The following SHROOM4 variants were observed in gnomAD, a reference collection of about 807,000 sequenced individuals.
The protein encoded by SHROOM4 is shroom family member 4.
SHROOM4 carries 17 observed loss-of-function variants against 80.3 expected under a neutral mutation model. The observed-to-expected ratio is 0.21, with a 90% CI of 0.14 to 0.32. The LOEUF (loss-of-function observed/expected upper bound fraction) is 0.32, where lower values mean the gene tolerates loss of function less well. Among genes scored for constraint, SHROOM4 ranks in the 10% least tolerant of loss-of-function variants. The probability of loss-of-function intolerance (pLI) is 1.00; values close to 1 mark genes in which losing one functional copy is unlikely to be tolerated. For missense variants in SHROOM4, 993 were observed against 1,140.3 expected (o/e 0.87, Z 1.86); for synonymous variants, 400 against 437.5 (o/e 0.91, Z 1.07).
Position 50,602,685 on chromosome X carries a change from G to A in SHROOM4, c.3890C>T (p.Ala1297Val). Residue 1297 changes from alanine (A) to valine (V), a missense_variant, in exon 7 of 9, where the codon GCA becomes GTA. Physicochemically the swap from Ala to Val is moderately conservative, Grantham distance 64 (BLOSUM62 0). Coordinates refer to ENST00000376020, the MANE Select transcript of SHROOM4 (RefSeq NM_020717.5). ...LNKLKDQPEM[A>V]EIGLGEEEVD... is the part of the protein sequence containing the mutation. ...TTCCTCCTCTCCTAGGCCAATCTCT[G>A]CCATCTCAGGTTGGTCTTTCAGTTT... is the stretch of plus-strand genomic sequence containing the variant. The A allele has an allele frequency of 8.3e-7, 1 of 1,211,354 alleles. No homozygotes were observed. The highest frequency in any genetic ancestry group is 1.1e-6 in the Non-Finnish European group (1 of 895,383).
chrX:50,685,508 T>C (rs1933050484), intron 2 of SHROOM4, among the ~76,000 whole-genome samples: 1 of 111,948 alleles, frequency 8.9e-6, no homozygotes, highest in South Asian at 3.7e-4. Flanking sequence ...AGGCAAAGGA[T>C]AGAATCACAA....
In SHROOM4 at chrX:50,597,049, A is replaced by G. The variant is rs1167153110; in HGVS notation, c.4213-85T>C. ...GCTGCCTAGCAGTACTCCACCAGAG[A>G]TGCTGCCACAAAGCAGCTATACATT... On this transcript the variant is annotated intron_variant, in intron 8 of 8. Transcript: ENST00000376020. 1.1e-5 allele frequency: 12 copies of G among 1,071,765 alleles called. No individual in the cohort carries two copies. The African/African-American group carries it at 2.0e-4, about 18-fold the overall frequency. The allele number at this position is 1,071,765 out of a possible 1,213,427, so 88.3% of individuals were successfully genotyped here. A position where few individuals can be genotyped will look rare whatever the true frequency, so the allele number is the denominator to read the frequency against.
chrX:50,762,907 C>G (rs1935191529), intron 1 of SHROOM4, among the ~76,000 whole-genome samples: 2 of 111,402 alleles, frequency 1.8e-5, no homozygotes, highest in African/African-American at 6.5e-5. Context: ...CTTGGAATTT[C>G]TTGAGGATTT....
intron 1 of SHROOM4, among the ~76,000 whole-genome samples, chrX:50,769,438 G>A (rs1156902735): frequency 2.7e-5 from 3 of 111,899 alleles, no homozygotes; most frequent in Non-Finnish European, 5.6e-5. Context: ...GGCCCAATAG[G>A]ACCACAGCTT....
chrX:50,720,801 A>C (rs1281392240), intron 1 of SHROOM4, among the ~76,000 whole-genome samples: 3 of 111,828 alleles, frequency 2.7e-5, no homozygotes, highest in Non-Finnish European at 3.8e-5. Context: ...TGGAAAGCGC[A>C]TTCATTCCTG....
Position 50,801,247 on chromosome X carries a change from G to A in SHROOM4, c.117+12655C>T, listed in dbSNP as rs781890776. Among the ~76,000 whole-genome samples, 4 of 97,344 alleles carry A rather than the reference G, an allele frequency of 4.1e-5. No individual in the cohort carries two copies. In the South Asian group the frequency reaches 2.2e-3, roughly 54 times the overall value. 84.5% of individuals were successfully genotyped at this position (97,344 alleles called of 115,157 possible). A position where few individuals can be genotyped will look rare whatever the true frequency, so the allele number is the denominator to read the frequency against. The stretch of plus-strand genomic sequence containing the variant: ...AGAGGGAGAAGGAGGGAGGGAAGGA[G>A]AGAGAGAGAAAGAGGAGAGAGAGAG... On this transcript the variant is annotated intron_variant, in intron 1 of 8. Transcript: ENST00000376020.
chrX:50,814,002 C>T lies in SHROOM4; in HGVS notation c.17G>A (p.Gly6Glu). MENRP[G>E]SFQYVPVQLQ... The stretch of plus-strand genomic sequence containing the variant: ...CTGCACAGGGACGTACTGGAAGGAC[C>T]CAGGCCGGTTCTCCATCCTCGGCTG... Residue 6 changes from glycine to glutamate, a missense_variant, in exon 1 of 9, where the codon GGG (glycine) becomes GAG (glutamate). Gly to Glu is a moderately conservative substitution (Grantham distance 98, BLOSUM62 -2). Coordinates refer to ENST00000376020, the MANE Select transcript of SHROOM4 (RefSeq NM_020717.5). 8.3e-7 allele frequency: 1 copy of T among 1,207,762 alleles called. No individual in the cohort carries two copies. The highest frequency in any genetic ancestry group is 1.1e-6 in the Non-Finnish European group (1 of 892,992).
chrX:50,755,675 A>G (rs1420988146), intron 1 of SHROOM4, among the ~76,000 whole-genome samples: 2 of 111,921 alleles, frequency 1.8e-5, no homozygotes, highest in African/African-American at 6.5e-5. Context: ...AAAAAATGAA[A>G]TGAGACTCAG....
chrX:50,598,098 C>T (rs1929205538), intron 8 of SHROOM4, among the ~76,000 whole-genome samples, 168 bp downstream of exon 8: 1 of 111,646 alleles, frequency 9.0e-6, no homozygotes. Context: ...TTTGGCCTCC[C>T]AAAGTACTGG....
In SHROOM4 at chrX:50,634,557, C is replaced by T. The variant is rs1557255236; in HGVS notation, c.1516G>A (p.Glu506Lys). ...CTGTTTGGGTCCAGGAAACCTTTTT[C>T]TGAGGGGTGTCCATCAGCCTCTCCA... is the stretch of plus-strand genomic sequence containing the variant. The part of the protein sequence containing the change: ...PHGEADGHPS[E>K]KGFLDPNRTS... Residue 506 changes from glutamate (E) to lysine (K), a missense_variant, in exon 4 of 9, where the codon GAA (glutamate) becomes AAA (lysine). Glu to Lys is a moderately conservative substitution (Grantham distance 56, BLOSUM62 1). Transcript: ENST00000376020. 14 of 1,209,912 alleles carry T rather than the reference C, an allele frequency of 1.2e-5. No individual in the cohort carries two copies. Among genetic ancestry groups the T allele is most frequent in the African/African-American group, 1.8e-5 (1 of 57,093 alleles).
At chrX:50,668,109 A>G (rs1932747665) in intron 2 of SHROOM4, among the ~76,000 whole-genome samples, 1 of 112,147 alleles carries the variant, frequency 8.9e-6, no homozygotes, top group Non-Finnish European at 1.9e-5. Flanking sequence ...AGGAAAGACC[A>G]AATACAGAGA....
rs782352598 is a variant in SHROOM4 at position 50,653,703 on chromosome X, T to G, written c.270-15395A>C. On this transcript the variant is annotated intron_variant, in intron 2 of 8. Coordinates refer to ENST00000376020, the MANE Select transcript of SHROOM4 (RefSeq NM_020717.5). ...TTCAGTATGATACTGGCTGTGGGTTTGTCATATATAGCTCTTACTATTTTG... is the reference window on the plus strand; with the variant it reads ...TTCAGTATGATACTGGCTGTGGGTTGGTCATATATAGCTCTTACTATTTTG... Among the ~76,000 whole-genome samples, 5 of 111,916 alleles carry G rather than the reference T, an allele frequency of 4.5e-5. No homozygotes were observed. The South Asian group carries it at 1.9e-3, about 42-fold the overall frequency.
chrX:50,733,888 A>G (rs1934423292), intron 1 of SHROOM4, among the ~76,000 whole-genome samples: 1 of 111,816 alleles, frequency 8.9e-6, no homozygotes, highest in African/African-American at 3.2e-5. Context: ...GAATCCACTA[A>G]AAATCTACTA....
chrX:50,789,898 T>A (rs782562372), intron 1 of SHROOM4, among the ~76,000 whole-genome samples: 2 of 112,296 alleles, frequency 1.8e-5, no homozygotes, highest in South Asian at 3.7e-4. Context: ...CATCACTGTG[T>A]GACATCACAG....
intron 1 of SHROOM4, among the ~76,000 whole-genome samples, chrX:50,808,264 C>T (rs782122004): frequency 1.4e-4 from 16 of 112,064 alleles, no homozygotes; most frequent in East Asian, 1.4e-3. Context: ...AAAAGGAAAA[C>T]GATTGCAGCT....
Position 50,633,382 on chromosome X carries a change from G to A in SHROOM4, c.2691C>T (p.Val897=). 1.7e-6 allele frequency: 2 copies of A among 1,211,896 alleles called. No individual in the cohort carries two copies. Among genetic ancestry groups the A allele is most frequent in the Admixed American group, 2.2e-5 (1 of 46,088 alleles). Residue 897 remains valine, a synonymous_variant, in exon 4 of 9, where the codon GTC becomes GTT. Coordinates refer to ENST00000376020, the MANE Select transcript of SHROOM4 (RefSeq NM_020717.5). ...CAGAACAATAAATGCAAGGATCATGGACTAGAGCTCCTTGAACACTGCAGG... is the reference window on the plus strand; with the variant it reads ...CAGAACAATAAATGCAAGGATCATGAACTAGAGCTCCTTGAACACTGCAGG... ...SYSCSVQGAL[V]HDPCIYCSGE...
chrX:50,795,062 G>GAT (rs1313471402), intron 1 of SHROOM4, among the ~76,000 whole-genome samples: 14 of 34,046 alleles, frequency 4.1e-4, no homozygotes, highest in African/African-American at 1.7e-3. Flanking sequence ...ATATATATAT[G>GAT]ATATATATAT....
chrX:50,657,709 T>G (rs1320040326), intron 2 of SHROOM4, among the ~76,000 whole-genome samples: 1 of 110,952 alleles, frequency 9.0e-6, no homozygotes, highest in East Asian at 2.8e-4. Flanking sequence ...CCCTGAAGTG[T>G]AGAGGACTCA....
At chrX:50,795,908 G>A (rs1423405504) in intron 1 of SHROOM4, among the ~76,000 whole-genome samples, 2 of 111,865 alleles carry the variant, frequency 1.8e-5, no homozygotes, top group East Asian at 5.6e-4. Context: ...TAGAACAGTG[G>A]CATCCAATAA....
Sources: allele counts gnomAD v4.1 joint callset (sites outside exome capture counted in the v4.1 genomes callset), GRCh38; gene constraint gnomAD v4.1.1; transcripts MANE v1.5; gene names NCBI Gene and HGNC (gene_info 2026-07-23, HGNC 2026-07-21).